Variants in WDR27 observed in about 807,000 individuals in gnomAD.
WDR27 encodes the protein WD repeat domain 27.
WDR27 carries 100 observed loss-of-function variants against 114.4 expected under a neutral mutation model. The ratio of observed to expected loss-of-function variants is 0.87; its 90% confidence interval spans 0.74 to 1.03. The LOEUF (loss-of-function observed/expected upper bound fraction) is 1.03. Among genes scored for constraint, WDR27 ranks in the 50% least tolerant of loss-of-function variants. The probability of loss-of-function intolerance (pLI) is 0.00; values close to 1 mark genes in which losing one functional copy is unlikely to be tolerated. For synonymous variants in WDR27, 449 were observed against 423.1 expected (o/e 1.06, Z -0.75); for missense variants, 1,129 against 1,092.9 (o/e 1.03, Z -0.47).
rs555265160 is a variant in WDR27 at position 169,462,490 on chromosome 6, G to GAGAGAGAGAGAGAGAAAGAAAGAAAGAA, written c.2646-4857_2646-4856insTTCTTTCTTTCTTTCTCTCTCTCTCTCT. 4.0e-5 allele frequency among the ~76,000 whole-genome samples: 6 copies of GAGAGAGAGAGAGAGAAAGAAAGAAAGAA among 149,958 alleles called. No homozygotes were observed. The Middle Eastern group carries it at 0.017, about 434-fold the overall frequency. ...AGGGAGGAGAGGGGGGAGAGAGAGA[G>GAGAGAGAGAGAGAGAAAGAAAGAAAGAA]AGAAAGAAAGAAAGAAAGAAAGAGT... On this transcript the variant is annotated intron_variant, in intron 25 of 25. Transcript: ENST00000448612.
In WDR27 at chr6:169,634,448, G is replaced by C. The variant is rs765142901; in HGVS notation, c.2081C>G (p.Ala694Gly). 1 of 1,612,794 alleles carries C rather than the reference G, an allele frequency of 6.2e-7. No homozygotes were observed. The highest frequency in any genetic ancestry group is 1.7e-5 in the Admixed American group (1 of 59,916). The change falls in exon 20 of 26, where the codon GCA (alanine) becomes GGA (glycine). Residue 694 changes from alanine to glycine, a missense_variant. Ala to Gly is a moderately conservative substitution (Grantham distance 60). Coordinates refer to ENST00000448612, the MANE Select transcript of WDR27 (RefSeq NM_182552.5). ...TGAVDMTSLS[A>G]VNDFYSHIVL... ...GATACGGGAATAAAAGTCGTTGACT[G>C]CCGATAAACTGGTCATGTCTACTGC...
chr6:169,598,617 C>T (rs775776864), intron 23 of WDR27, among the ~76,000 whole-genome samples: 3 of 152,106 alleles, frequency 2.0e-5, no homozygotes, highest in Non-Finnish European at 4.4e-5. Flanking sequence ...AGAGAAAGAA[C>T]GGGGAAACGA....
intron 18 of WDR27, among the ~76,000 whole-genome samples, chr6:169,636,758 A>G (rs111975146): frequency 0.029 from 4,411 of 152,356 alleles, 156 homozygotes; most frequent in African/African-American, 0.085. Context: ...ATCGAAACTT[A>G]GCAGTAAACA....
Position 169,672,285 on chromosome 6 carries a change from G to C in WDR27, c.301C>G (p.Leu101Val). Residue 101 changes from leucine to valine, a missense_variant, in exon 3 of 26, where the codon CTG becomes GTG. Transcript: ENST00000448612. ...AGTACTTTCTCTCTACATTCATCCA[G>C]GTTCCACATTATAACATAATCCAGT... is the stretch of plus-strand genomic sequence containing the variant. Reference protein sequence around the residue: ...ASLDYVIMWNLDECREKVLQG... With the variant: ...ASLDYVIMWNVDECREKVLQG... The C allele has an allele frequency of 1.9e-6, 3 of 1,613,346 alleles. No individual in the cohort carries two copies. Among genetic ancestry groups the C allele is most frequent in the Non-Finnish European group, 2.5e-6 (3 of 1,179,678 alleles).
chr6:169,449,449 A>C, the WDR27 span, among the ~76,000 whole-genome samples: 1 of 152,196 alleles, frequency 6.6e-6, no homozygotes, highest in Non-Finnish European at 1.5e-5. Flanking sequence ...ATAGTGCAGC[A>C]GACAGGATCA....
At chr6:169,491,313 C>A (rs912863090) in intron 25 of WDR27, among the ~76,000 whole-genome samples, 4 of 151,900 alleles carry the variant, frequency 2.6e-5, no homozygotes. Flanking sequence ...GAGGTTATTG[C>A]CGGGAGTAGG....
chr6:169,537,958 C>T (rs929933247), intron 25 of WDR27, among the ~76,000 whole-genome samples: 4 of 149,330 alleles, frequency 2.7e-5, no homozygotes, highest in African/African-American at 9.9e-5. Context: ...GTAGATATCA[C>T]TATATATTGA....
rs116260309 is a variant in WDR27, at chr6:169,666,854, G to T, written c.712+282C>A. On this transcript the variant is annotated intron_variant, in intron 6 of 25. Transcript: ENST00000448612. ...AGAGCAGAAGGCTCAACTTCCCTGG[G>T]TACTCAGGCATTTTATCTGACAGCA... is the stretch of plus-strand genomic sequence containing the variant. 6.5e-4 allele frequency: 637 copies of T among 985,450 alleles called. No homozygotes were observed. In the African/African-American group the frequency reaches 1.0e-2, roughly 15 times the overall value. The allele number at this position is 985,450 out of a possible 1,614,324, so 61.0% of individuals were successfully genotyped here.
rs569049915 is a variant in WDR27 at position 169,664,285 on chromosome 6, A to G, written c.785T>C (p.Leu262Pro). The G allele has an allele frequency of 2.3e-5, 37 of 1,613,970 alleles. No homozygotes were observed. The African/African-American group carries it at 3.9e-4, about 17-fold the overall frequency. Residue 262 changes from leucine to proline, a missense_variant and splice_region_variant, in exon 8 of 26, where the codon CTT becomes CCT. Physicochemically the swap from Leu to Pro is moderately conservative, Grantham distance 98 (BLOSUM62 -3). Coordinates refer to ENST00000448612, the MANE Select transcript of WDR27 (RefSeq NM_182552.5). ...TCCATCCATCAAACTGAAGATCCAAAGCTACAAAAGCAAAGAAGATGCAGA... is the reference window on the plus strand; with the variant it reads ...TCCATCCATCAAACTGAAGATCCAAGGCTACAAAAGCAAAGAAGATGCAGA... The part of the protein sequence containing the change: ...QLVTGCADGQ[L>P]WIFSLMDGHH...
chr6:169,617,532 C>T (rs1379918160), intron 21 of WDR27, among the ~76,000 whole-genome samples: 1 of 152,190 alleles, frequency 6.6e-6, no homozygotes, highest in Non-Finnish European at 1.5e-5. Context: ...CATGCCACCA[C>T]ACCCGGCTAA....
chr6:169,660,354 G>A (rs150474307), intron 10 of WDR27, among the ~76,000 whole-genome samples: 3,337 of 152,300 alleles, frequency 0.022, 57 homozygotes, highest in Non-Finnish European at 0.035. Context: ...GAATCCAGGG[G>A]CTTCCCAAGG....
intron 7 of WDR27, chr6:169,664,562 T>C (rs2128280996): frequency 7.6e-7 from 1 of 1,307,884 alleles, no homozygotes; most frequent in Non-Finnish European, 9.8e-7. Flanking sequence ...GATGCTCCTC[T>C]GGGAACCCCA....
intron 22 of WDR27, among the ~76,000 whole-genome samples, chr6:169,602,598 G>A (rs571315767): frequency 8.6e-5 from 13 of 151,906 alleles, no homozygotes; most frequent in Admixed American, 3.3e-4. Context: ...AACATATTCT[G>A]GAAATTTTTT....
At chr6:169,555,633 TC>T (rs1798763318) in intron 25 of WDR27, among the ~76,000 whole-genome samples, 1 of 152,206 alleles carries the variant, frequency 6.6e-6, no homozygotes, top group Non-Finnish European at 1.5e-5. Flanking sequence ...TGAGTAATTT[TC>T]CAGAATAATA....
In WDR27 at chr6:169,594,981, G is replaced by A. The variant is rs146359609; in HGVS notation, c.2424+7238C>T. Among the ~76,000 whole-genome samples, 590 of 152,254 alleles carry A rather than the reference G, an allele frequency of 3.9e-3. 5 individuals carry two copies. The highest frequency in any genetic ancestry group is 0.014 in the African/African-American group (565 of 41,548). On this transcript the variant is annotated intron_variant, in intron 23 of 25. Transcript: ENST00000448612. Reference sequence around the variant, plus strand: ...GAAGCCAATTGTTTGAGAGCAGCCTGGACCACATAGTGAAACCTCATCTCT... The same window carrying A: ...GAAGCCAATTGTTTGAGAGCAGCCTAGACCACATAGTGAAACCTCATCTCT...
intron 25 of WDR27, among the ~76,000 whole-genome samples, chr6:169,543,892 A>G (rs1797118616): frequency 1.3e-5 from 2 of 152,194 alleles, no homozygotes; most frequent in Non-Finnish European, 2.9e-5. Context: ...AACAACATGC[A>G]TTAATCATAT....
intron 8 of WDR27, among the ~76,000 whole-genome samples, chr6:169,662,946 G>A (rs112639955): frequency 0.058 from 8,392 of 145,462 alleles, 2 homozygotes; most frequent in East Asian, 0.16. Flanking sequence ...CAGATCACGC[G>A]TCAAGGAAAG....
chr6:169,548,129 A>C (rs556099812), intron 25 of WDR27, among the ~76,000 whole-genome samples: 2 of 152,332 alleles, frequency 1.3e-5, no homozygotes, highest in South Asian at 4.1e-4. Context: ...TATCAAAATA[A>C]GTACAAGGTC....
chr6:169,638,431 G>A (rs1818282907), intron 18 of WDR27, 108 bp downstream of exon 18: 1 of 1,431,938 alleles, frequency 7.0e-7, no homozygotes, highest in African/African-American at 1.4e-5. Context: ...CAAACTCTTG[G>A]CTTACGTCCC....
Sources: gnomAD v4.1 joint callset for allele counts (sites outside exome capture counted in the v4.1 genomes callset) on GRCh38, gnomAD v4.1.1 for gene constraint, MANE v1.5 for transcripts, NCBI Gene and HGNC (gene_info 2026-07-23, HGNC 2026-07-21) for gene names.